The following DACH1 variants were observed in gnomAD, a reference collection of about 807,000 sequenced individuals.
DACH1 encodes dachshund homolog 1.
A neutral mutation model predicts 54.2 loss-of-function variants in DACH1; 12 were observed. The ratio of observed to expected loss-of-function variants is 0.22; its 90% CI spans 0.14 to 0.36. DACH1 has a LOEUF of 0.36. Among genes scored for constraint, DACH1 ranks in the 10% least tolerant of loss-of-function variants. DACH1 has a pLI of 1.00. For synonymous variants in DACH1, 386 were observed against 366.2 expected, an observed-to-expected ratio of 1.05 and a Z score of -0.62; for missense variants, 805 against 929.8, an observed-to-expected ratio of 0.87 and a Z score of 1.75.
intron 1 of DACH1, among the ~76,000 whole-genome samples, chr13:71,771,773 CACACACACACAT>C (rs1177202652): frequency 6.6e-6 from 1 of 150,926 alleles, no homozygotes; most frequent in Non-Finnish European, 1.5e-5. Flanking sequence ...TATCATTACA[CACACACACACAT>C]ACACACACAC....
At chr13:71,828,036 T>C (rs1452042436) in intron 1 of DACH1, among the ~76,000 whole-genome samples, 1 of 152,032 alleles carries the variant, frequency 6.6e-6, no homozygotes, top group Non-Finnish European at 1.5e-5. Context: ...GAAGAGGTCC[T>C]GCACCAGAGC....
chr13:71,629,298 T>C (rs1412634657), intron 3 of DACH1, among the ~76,000 whole-genome samples: 1 of 152,190 alleles, frequency 6.6e-6, no homozygotes, highest in Admixed American at 6.6e-5. Context: ...TAGGGCCATC[T>C]CTTTTGGCTC....
chr13:71,621,974 T>A (rs1876278942), intron 3 of DACH1, among the ~76,000 whole-genome samples: 1 of 151,992 alleles, frequency 6.6e-6, no homozygotes, highest in Non-Finnish European at 1.5e-5. Context: ...CATATTTAAA[T>A]CCTCCGTTCT....
chr13:71,717,205 A>G (rs1370924875), intron 1 of DACH1, among the ~76,000 whole-genome samples: 1 of 152,188 alleles, frequency 6.6e-6, no homozygotes, highest in African/African-American at 2.4e-5. Flanking sequence ...GCTACAAAAA[A>G]TTTTAGTTTA....
intron 1 of DACH1, among the ~76,000 whole-genome samples, chr13:71,837,352 C>A (rs560983836): frequency 3.3e-5 from 5 of 152,120 alleles, no homozygotes; most frequent in African/African-American, 1.2e-4. Flanking sequence ...TATATTTATA[C>A]ATATTCTGTA....
intron 6 of DACH1, 107 bp from the exon 7 acceptor site, chr13:71,489,255 G>T: frequency 7.9e-7 from 1 of 1,270,684 alleles, no homozygotes; most frequent in Non-Finnish European, 1.1e-6. Flanking sequence ...TTGCAAATTG[G>T]TTCCTGCTAT....
chr13:71,513,610 G>T (rs964945251), intron 6 of DACH1, among the ~76,000 whole-genome samples: 1 of 152,032 alleles, frequency 6.6e-6, no homozygotes, highest in Non-Finnish European at 1.5e-5. Flanking sequence ...AAGGGTAAAT[G>T]ATTGATGATC....
At chr13:71,656,921 C>CATATATATAT (rs71123235) in intron 2 of DACH1, among the ~76,000 whole-genome samples, 6,072 of 83,112 alleles carry the variant, frequency 0.073, 376 homozygotes, top group East Asian at 0.17. Flanking sequence ...GTTCTTCTTT[C>CATATATATAT]ATATATATAT....
At chr13:71,762,272 G>A (rs1333902797) in intron 1 of DACH1, among the ~76,000 whole-genome samples, 2 of 152,146 alleles carry the variant, frequency 1.3e-5, no homozygotes, top group Non-Finnish European at 1.5e-5. Context: ...CACCCAATAT[G>A]TTTTATTGAA....
chr13:71,453,874 G>A (rs572495050), intron 10 of DACH1, among the ~76,000 whole-genome samples: 3 of 152,018 alleles, frequency 2.0e-5, no homozygotes, highest in South Asian at 2.1e-4. Flanking sequence ...ACTTTCATAG[G>A]GAAATAACTT....
intron 1 of DACH1, among the ~76,000 whole-genome samples, chr13:71,696,453 T>C (rs1290916901): frequency 6.6e-6 from 1 of 152,070 alleles, no homozygotes; most frequent in Non-Finnish European, 1.5e-5. Context: ...TGTGCAAAAG[T>C]CCATGCTAAA....
intron 1 of DACH1, among the ~76,000 whole-genome samples, chr13:71,685,561 C>T (rs911888074): frequency 1.3e-5 from 2 of 152,152 alleles, no homozygotes; most frequent in Non-Finnish European, 2.9e-5. Context: ...TATTTATTAA[C>T]AAGACTTTTC....
intron 3 of DACH1, among the ~76,000 whole-genome samples, chr13:71,628,483 C>T (rs747555139): frequency 2.6e-5 from 4 of 152,004 alleles, no homozygotes; most frequent in Non-Finnish European, 4.4e-5. Context: ...GCAGCAACAC[C>T]GATATTATGT....
chr13:71,612,125 C>T (rs1213999787), intron 3 of DACH1, among the ~76,000 whole-genome samples: 1 of 151,858 alleles, frequency 6.6e-6, no homozygotes, highest in African/African-American at 2.4e-5. Flanking sequence ...GATAGCATAC[C>T]GATCCAAATT....
chr13:71,792,368 ACAC>A (rs1566503262), intron 1 of DACH1, among the ~76,000 whole-genome samples: 1 of 143,920 alleles, frequency 6.9e-6, no homozygotes, highest in African/African-American at 2.6e-5. Flanking sequence ...ACACACACAC[ACAC>A]CCCTGGAATC....
chr13:71,796,732 C>A (rs1040610195), intron 1 of DACH1, among the ~76,000 whole-genome samples: 3 of 152,068 alleles, frequency 2.0e-5, no homozygotes, highest in African/African-American at 7.2e-5. Flanking sequence ...GTATAAAAGA[C>A]AAGTAATATA....
chr13:71,747,797 T>C (rs2137965678), intron 1 of DACH1, among the ~76,000 whole-genome samples: 1 of 152,168 alleles, frequency 6.6e-6, no homozygotes, highest in East Asian at 1.9e-4. Context: ...CTAGCCTCCT[T>C]TCTCTGGGAA....
At chr13:71,527,056 CATAAAT>C (rs1882019545) in intron 6 of DACH1, among the ~76,000 whole-genome samples, 1 of 151,830 alleles carries the variant, frequency 6.6e-6, no homozygotes, top group Non-Finnish European at 1.5e-5. Context: ...ATGATTATCA[CATAAAT>C]ATAAATTTTC....
Position 71,559,959 on chromosome 13 carries a change from C to T in DACH1, c.1300-4G>A, listed in dbSNP as rs1037100206. The T allele has an allele frequency of 7.2e-6, 11 of 1,536,688 alleles. No individual in the cohort carries two copies. Among genetic ancestry groups the T allele is most frequent in the Non-Finnish European group, 9.6e-6 (11 of 1,144,410 alleles). On this transcript the variant is annotated splice_region_variant and splice_polypyrimidine_tract_variant and intron_variant, in intron 4 of 10. Coordinates refer to ENST00000613252, the MANE Select transcript of DACH1 (RefSeq NM_080759.6). ...AGGGGCTATCAGGAACACGCTCCTG[C>T]ACCAGCAAGAGAGGGAAGGAGGGTA...
Sources: gnomAD v4.1 joint callset for allele counts (sites outside exome capture counted in the v4.1 genomes callset) on GRCh38, gnomAD v4.1.1 for gene constraint, MANE v1.5 for transcripts, NCBI Gene and HGNC (gene_info 2026-07-23, HGNC 2026-07-21) for gene names.